Variants in PCSK6 observed in about 807,000 individuals in gnomAD.
PCSK6 encodes paired basic amino acid cleaving enzyme 4.
Under a neutral mutation model 123.3 loss-of-function variants are expected in PCSK6, and 85 were observed. The ratio of observed to expected loss-of-function variants is 0.69; its 90% CI spans 0.58 to 0.83. PCSK6 has a LOEUF of 0.83. Ranked by LOEUF, PCSK6 falls within the 40% of genes least tolerant of loss-of-function variation. The pLI is 0.00. For synonymous variants in PCSK6, 508 were observed against 516.0 expected (o/e 0.98, Z 0.21); for missense variants, 1,191 against 1,282.3 (o/e 0.93, Z 1.09).
At chr15:101,381,508 G>A (rs1484879883) in intron 11 of PCSK6, among the ~76,000 whole-genome samples, 2 of 152,172 alleles carry the variant, frequency 1.3e-5, no homozygotes, top group South Asian at 2.1e-4. Flanking sequence ...AAATCCCAGC[G>A]CTTAAGCCTT....
chr15:101,461,324 C>G (rs1453973549), intron 1 of PCSK6, among the ~76,000 whole-genome samples: 1 of 152,100 alleles, frequency 6.6e-6, no homozygotes, highest in East Asian at 1.9e-4. Context: ...AAAACAAATA[C>G]AGGACTTGTC....
At chr15:101,465,626 TAAACAA>T (rs1257646973) in intron 1 of PCSK6, among the ~76,000 whole-genome samples, 1 of 152,010 alleles carries the variant, frequency 6.6e-6, no homozygotes, top group African/African-American at 2.4e-5. Context: ...AAGGATTTCT[TAAACAA>T]GAACAGAGGA....
At position 101,418,224 on chromosome 15, in the gene PCSK6, A is replaced by G. The variant is rs115611520; in HGVS notation, c.823+9668T>C. Among the ~76,000 whole-genome samples the G allele has an allele frequency of 9.7e-3, 1,472 of 152,302 alleles. 21 individuals are homozygous for G. The highest frequency in any genetic ancestry group is 0.033 in the African/African-American group (1,386 of 41,572). ...GAAAGTCACCATATCCAATCAGACT[A>G]GTTAATCAGCTCTACCAACACTTCA... is the stretch of plus-strand genomic sequence containing the variant. On this transcript the variant is annotated intron_variant, in intron 6 of 21. Coordinates refer to ENST00000611716, the MANE Select transcript of PCSK6 (RefSeq NM_002570.5).
intron 1 of PCSK6, among the ~76,000 whole-genome samples, chr15:101,467,260 T>C (rs2057485367): frequency 7.0e-6 from 1 of 143,150 alleles, no homozygotes; most frequent in Non-Finnish European, 1.5e-5. Context: ...ATAAGGCTGT[T>C]CTTAGCAACA....
intron 1 of PCSK6, among the ~76,000 whole-genome samples, chr15:101,466,630 T>G (rs1041928572): frequency 6.6e-6 from 1 of 152,158 alleles, no homozygotes; most frequent in Non-Finnish European, 1.5e-5. Context: ...GCAAACACAA[T>G]GTGGGCAATT....
intron 2 of PCSK6, among the ~76,000 whole-genome samples, chr15:101,437,226 T>A (rs2056626126): frequency 6.6e-6 from 1 of 152,144 alleles, no homozygotes; most frequent in South Asian, 2.1e-4. Flanking sequence ...GTGGCTGTCA[T>A]CTTCCAGCAG....
intron 11 of PCSK6, among the ~76,000 whole-genome samples, chr15:101,380,787 A>G (rs1028046917): frequency 2.0e-5 from 3 of 152,260 alleles, no homozygotes; most frequent in African/African-American, 7.2e-5. Context: ...GAGTAGAGGC[A>G]TATTCAAGGA....
At position 101,398,252 on chromosome 15, in the gene PCSK6, A is replaced by G. The variant is rs539810121; in HGVS notation, c.996+152T>C. 6.6e-6 allele frequency among the ~76,000 whole-genome samples: 1 copy of G among 152,154 alleles called. No individual in the cohort carries two copies. Among genetic ancestry groups the G allele is most frequent in the Non-Finnish European group, 1.5e-5 (1 of 68,028 alleles). On this transcript the variant is annotated intron_variant, in intron 7 of 21. Transcript: ENST00000611716. This position sits in a 1 kb window ranked among gnomAD's most constrained non-coding sequence, Gnocchi z 4.6. The stretch of plus-strand genomic sequence containing the variant: ...CAAGAGCCACTTCTCAGACTCCCCG[A>G]GTGACTCCTCCACACTGGCCCTGGC...
chr15:101,358,471 C>T (rs984859668), intron 13 of PCSK6, among the ~76,000 whole-genome samples: 5 of 152,204 alleles, frequency 3.3e-5, no homozygotes, highest in African/African-American at 1.2e-4. Flanking sequence ...GTGCATGGTA[C>T]TATTGGTTCC....
intron 1 of PCSK6, among the ~76,000 whole-genome samples, chr15:101,479,159 G>A (rs376826019): frequency 4.6e-5 from 7 of 152,218 alleles, no homozygotes; most frequent in Admixed American, 6.5e-5. Context: ...CGTGGAGCTC[G>A]GAGAGGACAG....
intron 6 of PCSK6, among the ~76,000 whole-genome samples, chr15:101,426,891 G>A (rs1450606915): frequency 6.6e-6 from 1 of 152,148 alleles, no homozygotes; most frequent in Admixed American, 6.5e-5. Flanking sequence ...CCCCCGGGAA[G>A]GTGGTTTCCC....
chr15:101,412,852 G>A (rs1206380708), intron 6 of PCSK6, among the ~76,000 whole-genome samples: 1 of 151,778 alleles, frequency 6.6e-6, no homozygotes. Context: ...GCCAGGAGTG[G>A]TGGCTCACAC....
At chr15:101,473,149 A>G (rs2057647280) in intron 1 of PCSK6, among the ~76,000 whole-genome samples, 1 of 152,196 alleles carries the variant, frequency 6.6e-6, no homozygotes, top group Non-Finnish European at 1.5e-5. Context: ...ATCATAGCTC[A>G]CTGCATAGCC....
At chr15:101,329,113 G>A (rs780337965) in intron 15 of PCSK6, among the ~76,000 whole-genome samples, 4 of 152,148 alleles carry the variant, frequency 2.6e-5, no homozygotes, top group Admixed American at 6.5e-5. Context: ...GGGGGGCTCC[G>A]TTCACGTGCT....
At chr15:101,477,012 C>T (rs750493458) in intron 1 of PCSK6, among the ~76,000 whole-genome samples, 18 of 152,208 alleles carry the variant, frequency 1.2e-4, no homozygotes, top group East Asian at 3.9e-4. Flanking sequence ...CCTCCCTGCA[C>T]GGTCCTGACC....
chr15:101,465,075 C>T (rs1338061596), intron 1 of PCSK6, among the ~76,000 whole-genome samples: 1 of 152,210 alleles, frequency 6.6e-6, no homozygotes, highest in East Asian at 1.9e-4. Context: ...GTCTGCTGAG[C>T]AGAACCATAG....
chr15:101,309,049 A>G (rs2039791739), intron 20 of PCSK6: 1 of 152,486 alleles, frequency 6.6e-6, no homozygotes, highest in Non-Finnish European at 1.5e-5. Flanking sequence ...CACCCAGCTC[A>G]GCAGGATGGC....
rs28426082 is a variant in PCSK6 at position 101,445,442 on chromosome 15, G to A, written c.298-1782C>T. Among the ~76,000 whole-genome samples, 278 of 152,224 alleles carry A rather than the reference G, an allele frequency of 1.8e-3. 1 individual carries two copies. Among genetic ancestry groups the A allele is most frequent in the African/African-American group, 6.4e-3 (266 of 41,552 alleles). On this transcript the variant is annotated intron_variant, in intron 1 of 21. Coordinates refer to ENST00000611716, the MANE Select transcript of PCSK6 (RefSeq NM_002570.5). Reference sequence around the variant, plus strand: ...GGCAGGTAGTAAGTGCTCGATACACGGTTTTCCGCAATTCTGATTCTCACA... The same window carrying A: ...GGCAGGTAGTAAGTGCTCGATACACAGTTTTCCGCAATTCTGATTCTCACA...
intron 5 of PCSK6, among the ~76,000 whole-genome samples, chr15:101,429,457 G>T (rs569237183): frequency 6.6e-6 from 1 of 152,100 alleles, no homozygotes; most frequent in Admixed American, 6.6e-5. Context: ...TGGCCTGGAC[G>T]AGCCTCTAAG....
Sources: gnomAD v4.1 joint callset for allele counts (sites outside exome capture counted in the v4.1 genomes callset) on GRCh38, gnomAD v4.1.1 for gene constraint, Gnocchi (gnomAD v3.1) non-coding constraint, MANE v1.5 for transcripts, NCBI Gene and HGNC (gene_info 2026-07-23, HGNC 2026-07-21) for gene names.